The following PLCL2 variants were observed in gnomAD, a reference collection of about 807,000 sequenced individuals.
PLCL2 encodes phospholipase C like 2, also known as inactive phospholipase C-like protein 2.
In PLCL2, 4 loss-of-function variants were observed where a neutral mutation model predicts 79.6. That is an observed-to-expected ratio of 0.05 (90% CI 0.02 to 0.11). PLCL2 has a LOEUF of 0.11. PLCL2 is among the 10% of genes least tolerant of loss of function. PLCL2 has a pLI of 1.00. For synonymous variants in PLCL2, 484 were observed against 457.7 expected, an observed-to-expected ratio of 1.06 and a Z score of -0.73; for missense variants, 895 against 1,291.0, an observed-to-expected ratio of 0.69 and a Z score of 4.70.
intron 1 of PLCL2, among the ~76,000 whole-genome samples, chr3:16,963,107 A>T (rs1035196197): frequency 9.9e-5 from 15 of 152,088 alleles, no homozygotes; most frequent in African/African-American, 3.4e-4. Flanking sequence ...TTACATATTT[A>T]TGTAAAGATT....
chr3:17,043,056 A>C (rs999170514), intron 4 of PLCL2, 107 bp downstream of exon 4: 1 of 756,612 alleles, frequency 1.3e-6, no homozygotes, highest in Non-Finnish European at 2.3e-6. Flanking sequence ...ATCAAATAAG[A>C]AAATTATTTT....
chr3:16,972,322 T>C (rs1169048289), intron 1 of PLCL2, among the ~76,000 whole-genome samples: 1 of 152,184 alleles, frequency 6.6e-6, no homozygotes, highest in Non-Finnish European at 1.5e-5. Flanking sequence ...GATAAGCAAC[T>C]TGATTTATAT....
chr3:16,888,881 T>C (rs1215216511), intron 1 of PLCL2, among the ~76,000 whole-genome samples: 1 of 152,208 alleles, frequency 6.6e-6, no homozygotes, highest in Admixed American at 6.5e-5. Flanking sequence ...ATGATTTACA[T>C]ACAGTAAAAT....
intron 3 of PLCL2, among the ~76,000 whole-genome samples, chr3:17,022,370 T>G (rs1575591377): frequency 6.6e-6 from 1 of 152,294 alleles, no homozygotes; most frequent in East Asian, 1.9e-4. Flanking sequence ...ATTTTGCTCC[T>G]GTATAATTTC....
chr3:17,059,127 A>G (rs1349728070), intron 4 of PLCL2, among the ~76,000 whole-genome samples: 1 of 152,164 alleles, frequency 6.6e-6, no homozygotes, highest in African/African-American at 2.4e-5. Flanking sequence ...TTGTTGTAAT[A>G]TTGAGGACAA....
chr3:17,022,128 A>AT (rs750165170), intron 3 of PLCL2, among the ~76,000 whole-genome samples: 2 of 152,108 alleles, frequency 1.3e-5, no homozygotes, highest in Non-Finnish European at 2.9e-5. Flanking sequence ...CAGATTGCTA[A>AT]TTTTTCAAAC....
intron 1 of PLCL2, among the ~76,000 whole-genome samples, chr3:16,935,396 A>G (rs62245974): frequency 0.093 from 14,186 of 152,100 alleles, 896 homozygotes; most frequent in South Asian, 0.15. Flanking sequence ...GTAATAAAAT[A>G]TTTTGTTCAT....
chr3:17,053,342 A>G (rs1012398231), intron 4 of PLCL2, among the ~76,000 whole-genome samples: 18 of 152,158 alleles, frequency 1.2e-4, no homozygotes, highest in Non-Finnish European at 2.6e-4. Context: ...TTAAACAACC[A>G]GATCTCATGA....
chr3:16,954,393 A>T (rs1336054928), intron 1 of PLCL2, among the ~76,000 whole-genome samples: 1 of 152,174 alleles, frequency 6.6e-6, no homozygotes, highest in Non-Finnish European at 1.5e-5. Context: ...TCCATGGTGT[A>T]TATGTGCCAC....
At chr3:16,924,836 AG>A (rs1250084538) in intron 1 of PLCL2, among the ~76,000 whole-genome samples, 4 of 152,192 alleles carry the variant, frequency 2.6e-5, no homozygotes, top group Non-Finnish European at 5.9e-5. Context: ...GATTTTTACT[AG>A]GTATTAGAGT....
chr3:16,992,655 A>G (rs962516367), intron 1 of PLCL2, among the ~76,000 whole-genome samples: 1 of 152,198 alleles, frequency 6.6e-6, no homozygotes, highest in Non-Finnish European at 1.5e-5. Flanking sequence ...CTGCATAGCG[A>G]AGCAGGTGGC....
intron 1 of PLCL2, among the ~76,000 whole-genome samples, chr3:16,943,469 A>C (rs1385288229): frequency 6.6e-6 from 1 of 152,224 alleles, no homozygotes; most frequent in Non-Finnish European, 1.5e-5. Context: ...TTTTCAAAGA[A>C]CTTTCTCTAT....
intron 1 of PLCL2, among the ~76,000 whole-genome samples, chr3:16,964,508 T>C (rs1217153329): frequency 6.6e-6 from 1 of 152,212 alleles, no homozygotes; most frequent in African/African-American, 2.4e-5. Context: ...TATAGCAGCA[T>C]GATTATAATC....
At chr3:17,050,457 C>CT (rs2064828447) in intron 4 of PLCL2, among the ~76,000 whole-genome samples, 1 of 152,130 alleles carries the variant, frequency 6.6e-6, no homozygotes, top group African/African-American at 2.4e-5. Flanking sequence ...GAAAAAAAGT[C>CT]TAATAATCCA....
intron 1 of PLCL2, among the ~76,000 whole-genome samples, chr3:16,996,730 A>G (rs963188600): frequency 2.0e-5 from 3 of 152,174 alleles, no homozygotes; most frequent in African/African-American, 7.2e-5. Flanking sequence ...TAACAGATTT[A>G]TCTCCATGTG....
At chr3:17,052,448 C>A (rs921195106) in intron 4 of PLCL2, among the ~76,000 whole-genome samples, 3 of 152,136 alleles carry the variant, frequency 2.0e-5, no homozygotes, top group Non-Finnish European at 4.4e-5. Flanking sequence ...AGAAGGGTTC[C>A]TATTATTCAA....
At chr3:16,931,835 T>C (rs567893219) in intron 1 of PLCL2, among the ~76,000 whole-genome samples, 3 of 152,356 alleles carry the variant, frequency 2.0e-5, no homozygotes, top group African/African-American at 7.2e-5. Flanking sequence ...AATAAACTTA[T>C]GATTGCATGT....
At chr3:16,943,121 G>A (rs1365129260) in intron 1 of PLCL2, among the ~76,000 whole-genome samples, 1 of 152,122 alleles carries the variant, frequency 6.6e-6, no homozygotes, top group Non-Finnish European at 1.5e-5. Context: ...TATTATGAGT[G>A]CTTTATTTTA....
chr3:16,988,495 A>T (rs148861437), intron 1 of PLCL2, among the ~76,000 whole-genome samples: 3 of 152,098 alleles, frequency 2.0e-5, no homozygotes, highest in African/African-American at 7.2e-5. Flanking sequence ...CTTGAGTTCT[A>T]TGAAGCCATT....
Sources: gnomAD v4.1 joint callset for allele counts (sites outside exome capture counted in the v4.1 genomes callset) on GRCh38, gnomAD v4.1.1 for gene constraint, MANE v1.5 for transcripts, NCBI Gene and HGNC (gene_info 2026-07-23, HGNC 2026-07-21) for gene names.